ABCA5: variants seen among roughly 807,000 people sequenced by gnomAD.
The protein encoded by ABCA5 is cholesterol transporter ABCA5.
In ABCA5, 163 loss-of-function variants were observed where a neutral mutation model predicts 206.0. The ratio of observed to expected loss-of-function variants is 0.79; its 90% confidence interval spans 0.70 to 0.90. The LOEUF is 0.90. ABCA5 is among the 40% of genes least tolerant of loss of function. The pLI is 0.00. For missense variants in ABCA5, 1,859 were observed against 1,912.9 expected (o/e 0.97, Z 0.53); for synonymous variants, 609 against 613.8 (o/e 0.99, Z 0.11).
intron 18 of ABCA5, among the ~76,000 whole-genome samples, chr17:69,282,373 A>C (rs1419423911): frequency 6.6e-6 from 1 of 152,138 alleles, no homozygotes; most frequent in Non-Finnish European, 1.5e-5. Flanking sequence ...AAGAGATTTC[A>C]TCCAATTCCA....
chr17:69,297,566 T>A (rs1020173793), intron 9 of ABCA5, among the ~76,000 whole-genome samples: 7 of 152,330 alleles, frequency 4.6e-5, no homozygotes, highest in African/African-American at 1.7e-4. Flanking sequence ...ATTAGCTGTA[T>A]TGTATTAAAT....
chr17:69,256,740 G>A (rs960691074), intron 28 of ABCA5, among the ~76,000 whole-genome samples: 7 of 151,990 alleles, frequency 4.6e-5, no homozygotes, highest in Non-Finnish European at 7.4e-5. Flanking sequence ...ACAGGTTCAA[G>A]CCACCATGCC....
chr17:69,307,818 T>C (rs1319002537), intron 5 of ABCA5, among the ~76,000 whole-genome samples: 1 of 152,134 alleles, frequency 6.6e-6, no homozygotes, highest in Non-Finnish European at 1.5e-5. Context: ...TCATTATTCA[T>C]ACATACTTTA....
At chr17:69,270,356 T>C (rs992105956) in intron 22 of ABCA5, among the ~76,000 whole-genome samples, 10 of 152,114 alleles carry the variant, frequency 6.6e-5, no homozygotes, top group East Asian at 5.8e-4. Context: ...TCTTATATTT[T>C]ATTCTATGAT....
At chr17:69,277,537 A>G (rs1308589012) in intron 19 of ABCA5, 104 bp downstream of exon 19, 2 of 905,394 alleles carry the variant, frequency 2.2e-6, no homozygotes, top group Non-Finnish European at 3.2e-6. Flanking sequence ...TCGAAACTAT[A>G]TAAATTATTT....
At position 69,291,265 on chromosome 17, in the gene ABCA5, T is replaced by C; in HGVS notation, c.1557A>G (p.Gly519=). The change falls in exon 12 of 39, where the codon GGA becomes GGG. Residue 519 remains glycine (G), a synonymous_variant. Transcript: ENST00000392676. ...AAAGAATATTCATCAATGTACTCTT[T>C]CCTGTTCCACTGTGGCCAAGTAAGG... ...ITALLGHSGT[G]KSTLMNILCG... The C allele has an allele frequency of 3.1e-6, 5 of 1,611,766 alleles. No individual in the cohort carries two copies. The highest frequency in any genetic ancestry group is 4.2e-6 in the Non-Finnish European group (5 of 1,178,624).
At chr17:69,285,243 A>G (rs1045477501) in intron 17 of ABCA5, 4 of 152,216 alleles carry the variant, frequency 2.6e-5, no homozygotes, top group African/African-American at 7.2e-5. Flanking sequence ...ATAGGTGGGT[A>G]TAAGTAGATA....
rs372859331 is a variant in ABCA5 at position 69,248,333 on chromosome 17, A to C, written c.4766-16T>G. 44 of 1,467,622 alleles carry C rather than the reference A, an allele frequency of 3.0e-5. No homozygotes were observed. Among genetic ancestry groups the C allele is most frequent in the Non-Finnish European group, 3.9e-5 (42 of 1,068,866 alleles). 90.9% of individuals were successfully genotyped at this position (1,467,622 alleles called of 1,614,324 possible). ...GCATGTTTAGCTATTAAAATATAAA[A>C]ATAGTATTTTACTTATCAATATCTG... is the stretch of plus-strand genomic sequence containing the variant. On this transcript the variant is annotated splice_polypyrimidine_tract_variant and intron_variant, in intron 37 of 38. Transcript: ENST00000392676.
chr17:69,294,543 A>C, intron 11 of ABCA5, 112 bp downstream of exon 11: 1 of 995,438 alleles, frequency 1.0e-6, no homozygotes, highest in South Asian at 1.5e-5. Context: ...AATAAAATAA[A>C]AGCAAGACAG....
At chr17:69,263,796 A>C (rs1434102866) in intron 24 of ABCA5, among the ~76,000 whole-genome samples, 1 of 146,162 alleles carries the variant, frequency 6.8e-6, no homozygotes, top group Non-Finnish European at 1.5e-5. Flanking sequence ...TCCCCGGTTC[A>C]AGCGATTCTC....
chr17:69,315,696 C>G (rs1349649482), intron 1 of ABCA5, among the ~76,000 whole-genome samples: 2 of 150,268 alleles, frequency 1.3e-5, no homozygotes, highest in African/African-American at 2.4e-5. Flanking sequence ...GGCAGGAGAT[C>G]TGCTTGAACC....
intron 23 of ABCA5, 36 bp from the exon 24 acceptor site, chr17:69,264,941 G>A: frequency 2.9e-6 from 4 of 1,363,274 alleles, no homozygotes; most frequent in Non-Finnish European, 3.9e-6. Flanking sequence ...TATAATTTTA[G>A]ACACTTTAGA....
intron 1 of ABCA5, among the ~76,000 whole-genome samples, chr17:69,322,518 A>G (rs1174288532): frequency 6.6e-6 from 1 of 152,114 alleles, no homozygotes; most frequent in Non-Finnish European, 1.5e-5. Context: ...ATTAATTAAA[A>G]TAAGAAATTT....
intron 8 of ABCA5, among the ~76,000 whole-genome samples, chr17:69,302,103 A>G (rs1316641042): frequency 6.6e-6 from 1 of 152,166 alleles, no homozygotes; most frequent in African/African-American, 2.4e-5. Context: ...GTAATTTCTT[A>G]TATTTAGTAA....
At chr17:69,262,848 T>G (rs1248284494) in intron 24 of ABCA5, among the ~76,000 whole-genome samples, 2 of 152,136 alleles carry the variant, frequency 1.3e-5, no homozygotes, top group African/African-American at 4.8e-5. Context: ...CCACCAAGAG[T>G]ATATAAGAGT....
intron 1 of ABCA5, among the ~76,000 whole-genome samples, chr17:69,322,411 C>T (rs2145056986): frequency 7.0e-6 from 1 of 143,614 alleles, no homozygotes; most frequent in East Asian, 2.0e-4. Context: ...CGTTCCAAGT[C>T]CTACGAAACA....
chr17:69,321,027 T>G (rs1004771845), intron 1 of ABCA5, among the ~76,000 whole-genome samples: 8 of 152,080 alleles, frequency 5.3e-5, no homozygotes, highest in African/African-American at 1.9e-4. Flanking sequence ...TGATTACAAC[T>G]CTCACTGATA....
chr17:69,270,845 CATACAGAAAAACTGCTTCAACAACTCA>C, intron 21 of ABCA5, 95 bp from the exon 22 acceptor site: 4 of 1,200,090 alleles, frequency 3.3e-6, no homozygotes, highest in Non-Finnish European at 4.5e-6. Flanking sequence ...AGCTAATTCT[CATACAGAAAAACTGCTTCAACAACTCA>C]CAGAAATAAT....
intron 17 of ABCA5, 45 bp from the exon 18 acceptor site, chr17:69,284,117 T>C (rs774571465): frequency 7.1e-7 from 1 of 1,410,814 alleles, no homozygotes; most frequent in Non-Finnish European, 9.4e-7. Context: ...AAGCATATTA[T>C]CATAAATTAT....
Sources: gnomAD v4.1 joint callset for allele counts (sites outside exome capture counted in the v4.1 genomes callset) on GRCh38, gnomAD v4.1.1 for gene constraint, MANE v1.5 for transcripts, NCBI Gene and HGNC (gene_info 2026-07-23, HGNC 2026-07-21) for gene names.